Variants in ASTN2 observed in about 807,000 individuals in gnomAD.
The protein encoded by ASTN2 is astrotactin 2.
Under a neutral mutation model 139.8 loss-of-function variants are expected in ASTN2, and 54 were observed. The ratio of observed to expected loss-of-function variants is 0.39; its 90% CI spans 0.31 to 0.48. The LOEUF (loss-of-function observed/expected upper bound fraction) is 0.48. Ranked by LOEUF, ASTN2 falls within the 20% of genes least tolerant of loss-of-function variation. The probability of loss-of-function intolerance (pLI) is 0.95; values close to 1 mark genes in which losing one functional copy is unlikely to be tolerated. For synonymous variants in ASTN2, 756 were observed against 719.5 expected (o/e 1.05, Z -0.81); for missense variants, 1,565 against 1,725.1 (o/e 0.91, Z 1.64).
At chr9:117,238,042 C>G (rs533297110) in intron 2 of ASTN2, among the ~76,000 whole-genome samples, 1 of 152,290 alleles carries the variant, frequency 6.6e-6, no homozygotes, top group Admixed American at 6.5e-5. Context: ...ACAAGTGATG[C>G]TGCACAGTGA....
rs1338214192 is a variant in ASTN2 at position 116,694,175 on chromosome 9, TAGAC to T, written c.2806+31592_2806+31595del. On this transcript the variant is annotated intron_variant, in intron 16 of 22. Coordinates refer to ENST00000313400, the MANE Select transcript of ASTN2 (RefSeq NM_001365068.1). ...ATTCATTTTTTTAAACCTGATGTCTTAGACAGAGAGGTAGGAAGCTTTTCAATTG... is the reference window on the plus strand; with the variant it reads ...ATTCATTTTTTTAAACCTGATGTCTTAGAGAGGTAGGAAGCTTTTCAATTG... 3.9e-5 allele frequency among the ~76,000 whole-genome samples: 6 copies of T among 152,112 alleles called. No individual in the cohort carries two copies. In the East Asian group the frequency reaches 1.2e-3, roughly 29 times the overall value.
chr9:117,297,439 A>C (rs765255411), intron 1 of ASTN2, among the ~76,000 whole-genome samples: 57 of 152,164 alleles, frequency 3.7e-4, no homozygotes, highest in Admixed American at 3.3e-4. Context: ...TCATCTCTAA[A>C]ATGCTTAATT....
intron 19 of ASTN2, among the ~76,000 whole-genome samples, chr9:116,603,789 T>C (rs1215735869): frequency 6.6e-6 from 1 of 152,208 alleles, no homozygotes; most frequent in Non-Finnish European, 1.5e-5. Context: ...ATACAGATTT[T>C]CTTCTCTTGG....
intron 4 of ASTN2, among the ~76,000 whole-genome samples, chr9:117,138,753 T>A (rs1830008659): frequency 6.6e-6 from 1 of 152,162 alleles, no homozygotes; most frequent in Non-Finnish European, 1.5e-5. Context: ...TCATGCATAG[T>A]TTTCTGAGAC....
chr9:117,383,212 C>T (rs1188039893), intron 1 of ASTN2, among the ~76,000 whole-genome samples: 1 of 152,130 alleles, frequency 6.6e-6, no homozygotes, highest in Non-Finnish European at 1.5e-5. Context: ...CCATTCTTTG[C>T]TCACAGGACA....
At position 117,355,073 on chromosome 9, in the gene ASTN2, A is replaced by G. The variant is rs139876858; in HGVS notation, c.442+59424T>C. Among the ~76,000 whole-genome samples, 313 of 152,312 alleles carry G rather than the reference A, an allele frequency of 2.1e-3. 2 individuals are homozygous for G. The highest frequency in any genetic ancestry group is 7.2e-3 in the African/African-American group (299 of 41,582). On this transcript the variant is annotated intron_variant, in intron 1 of 22. Transcript: ENST00000313400. ...ATTTCTTTAATATGAACACCTTATT[A>G]AAATGAACAAATTTCCCTTTACTCC...
intron 13 of ASTN2, among the ~76,000 whole-genome samples, chr9:116,736,515 C>T (rs1317631005): frequency 6.6e-6 from 1 of 152,122 alleles, no homozygotes; most frequent in African/African-American, 2.4e-5. Context: ...AGTGCCTGGG[C>T]GTGTGCTGAG....
At chr9:116,605,057 C>G (rs7874884) in intron 19 of ASTN2, among the ~76,000 whole-genome samples, 100,870 of 150,722 alleles carry the variant, frequency 0.67, 33,936 homozygotes, top group African/African-American at 0.77. Context: ...GAGAGAGAGA[C>G]AGAGAGCCAC....
At position 116,975,308 on chromosome 9, in the gene ASTN2, C is replaced by G. The variant is rs775698347; in HGVS notation, c.1789G>C (p.Val597Leu). The change falls in exon 10 of 23, where the codon GTC becomes CTC. Residue 597 changes from valine (V) to leucine (L), a missense_variant. Val to Leu is a conservative substitution (Grantham distance 32). This residue lies in a region of ASTN2 where 503 missense variants were observed against 591.7 expected (regional missense o/e 0.85). Transcript: ENST00000313400. ...FSLGQGLWLPVSKSFVVPPVE... is the reference protein window; with the variant it reads ...FSLGQGLWLPLSKSFVVPPVE... ...GGCGGAACCACAAAGCTTTTGCTGA[C>G]AGGAAGCCAGAGGCCTTGGCCCAAG... 6.2e-7 allele frequency: 1 copy of G among 1,613,180 alleles called. No individual in the cohort carries two copies. The highest frequency in any genetic ancestry group is 1.1e-5 in the South Asian group (1 of 90,870).
intron 6 of ASTN2, among the ~76,000 whole-genome samples, chr9:117,031,893 C>A (rs1838257467): frequency 6.6e-6 from 1 of 152,088 alleles, no homozygotes; most frequent in Non-Finnish European, 1.5e-5. Context: ...AAAAAGAAGA[C>A]AATAAACAGA....
chr9:116,423,207 T>C lies in ASTN2; in HGVS notation c.*2644A>G, dbSNP rs184693000. Among the ~76,000 whole-genome samples the C allele has an allele frequency of 6.6e-6, 1 of 152,270 alleles. No individual in the cohort carries two copies. Among genetic ancestry groups the C allele is most frequent in the African/African-American group, 2.4e-5 (1 of 41,554 alleles). On this transcript the variant is annotated 3_prime_UTR_variant, in exon 23 of 23. Coordinates refer to ENST00000313400, the MANE Select transcript of ASTN2 (RefSeq NM_001365068.1). ...TGCCCAAGACTCACAGTATTATGCATATTGTCTCCATCAGGAGAAAAAATA... is the reference window on the plus strand; with the variant it reads ...TGCCCAAGACTCACAGTATTATGCACATTGTCTCCATCAGGAGAAAAAATA...
intron 5 of ASTN2, among the ~76,000 whole-genome samples, chr9:117,077,476 G>A (rs562709896): frequency 6.6e-5 from 10 of 152,220 alleles, no homozygotes; most frequent in African/African-American, 1.4e-4. Context: ...GGCCGGGTGC[G>A]GTAGCTCATG....
intron 1 of ASTN2, among the ~76,000 whole-genome samples, chr9:117,293,872 T>C (rs1834658869): frequency 6.6e-6 from 1 of 152,216 alleles, no homozygotes; most frequent in East Asian, 1.9e-4. Context: ...AATTCAGTAG[T>C]TCCATGTGCT....
chr9:116,863,414 T>C (rs557664028), intron 11 of ASTN2, among the ~76,000 whole-genome samples, 169 bp downstream of exon 11: 1 of 152,346 alleles, frequency 6.6e-6, no homozygotes, highest in Admixed American at 6.5e-5. Flanking sequence ...ATGATCTCAC[T>C]TTACAGGTGA....
intron 19 of ASTN2, among the ~76,000 whole-genome samples, chr9:116,595,646 G>T (rs751767225): frequency 2.0e-5 from 3 of 151,914 alleles, no homozygotes. Context: ...ATTCTTGTTT[G>T]GGCTCCGTTT....
chr9:117,404,535 A>T (rs1302774341), intron 1 of ASTN2, among the ~76,000 whole-genome samples: 1 of 152,218 alleles, frequency 6.6e-6, no homozygotes. Flanking sequence ...TTTATATAGC[A>T]TTATAATATA....
chr9:116,775,142 T>C (rs1218167755), intron 13 of ASTN2, among the ~76,000 whole-genome samples: 1 of 151,944 alleles, frequency 6.6e-6, no homozygotes, highest in Non-Finnish European at 1.5e-5. Flanking sequence ...TGTTATCCAG[T>C]CCTGAAGGGT....
intron 5 of ASTN2, among the ~76,000 whole-genome samples, chr9:117,092,031 T>C (rs1828719594): frequency 6.6e-6 from 1 of 152,154 alleles, no homozygotes; most frequent in Non-Finnish European, 1.5e-5. Context: ...AGATACTCAT[T>C]ATTTTAATCT....
chr9:116,439,386 G>C (rs1187183397), intron 22 of ASTN2, among the ~76,000 whole-genome samples: 1 of 145,596 alleles, frequency 6.9e-6, no homozygotes, highest in Non-Finnish European at 1.5e-5. Flanking sequence ...ATTTTTAGTA[G>C]AGACGGGGTT....
Sources: allele counts gnomAD v4.1 joint callset (sites outside exome capture counted in the v4.1 genomes callset), GRCh38; gene constraint gnomAD v4.1.1; regional missense constraint gnomAD v4.1.1; transcripts MANE v1.5; gene names NCBI Gene and HGNC (gene_info 2026-07-23, HGNC 2026-07-21).